APOOL: variants seen among roughly 807,000 people sequenced by gnomAD.
APOOL encodes the protein apolipoprotein O like.
Under a neutral mutation model 23.1 loss-of-function variants are expected in APOOL, and 12 were observed. That is an observed-to-expected ratio of 0.52 (90% CI 0.33 to 0.84). APOOL has a LOEUF of 0.84. Among genes scored for constraint, APOOL ranks in the 40% least tolerant of loss-of-function variants. APOOL has a pLI of 0.02. For missense variants in APOOL, 212 were observed against 199.6 expected, an observed-to-expected ratio of 1.06 and a Z score of -0.37; for synonymous variants, 77 against 69.9, an observed-to-expected ratio of 1.10 and a Z score of -0.51.
intron 1 of APOOL, among the ~76,000 whole-genome samples, chrX:85,034,042 A>G (rs905401089): frequency 9.0e-5 from 10 of 111,084 alleles, no homozygotes; most frequent in African/African-American, 3.3e-4. Context: ...TGGTCACTGG[A>G]TGTTCCAGGA....
At chrX:85,054,239 T>C in intron 3 of APOOL, 105 bp from the exon 4 acceptor site, 1 of 702,701 alleles carries the variant, frequency 1.4e-6, no homozygotes, top group East Asian at 3.6e-5. Context: ...TTGGGCATAA[T>C]GTTAAGTCAA....
intron 1 of APOOL, among the ~76,000 whole-genome samples, chrX:85,035,273 G>A (rs1260203319): frequency 9.0e-6 from 1 of 111,379 alleles, no homozygotes; most frequent in Non-Finnish European, 1.9e-5. Flanking sequence ...TCAAGTGTCT[G>A]TTCAGATCTT....
intron 2 of APOOL, 142 bp downstream of exon 2, chrX:85,046,692 T>C: frequency 2.0e-6 from 1 of 490,748 alleles, no homozygotes; most frequent in Non-Finnish European, 3.4e-6. Context: ...GAAATAGTTA[T>C]GAAGTATCTC....
chrX:85,044,582 T>C (rs1228904303), intron 1 of APOOL, among the ~76,000 whole-genome samples: 2 of 111,131 alleles, frequency 1.8e-5, no homozygotes, highest in Non-Finnish European at 3.8e-5. Flanking sequence ...CTCCCGGCCC[T>C]AAGCTCATAT....
chrX:85,059,273 A>G (rs949914041), intron 5 of APOOL, among the ~76,000 whole-genome samples: 1 of 109,669 alleles, frequency 9.1e-6, no homozygotes, highest in Non-Finnish European at 1.9e-5. Flanking sequence ...AATCCAGTCT[A>G]TCGTTGTTGG....
rs1343528386 is a variant in APOOL, at chrX:85,088,150, A to T, written c.*472A>T. 2.0e-3 allele frequency: 11 copies of T among 5,374 alleles called. 2 individuals are homozygous for T. The highest frequency in any genetic ancestry group is 4.8e-3 in the African/African-American group (8 of 1,675). The allele number at this position is 5,374 out of a possible 1,213,427, so 0.4% of individuals were successfully genotyped here. ...CATACATATTTATACATATATGTATAAATACATACATATTTATACATATAT... is the reference window on the plus strand; with the variant it reads ...CATACATATTTATACATATATGTATTAATACATACATATTTATACATATAT... On this transcript the variant is annotated 3_prime_UTR_variant, in exon 9 of 9. Coordinates refer to ENST00000373173, the MANE Select transcript of APOOL (RefSeq NM_198450.6).
Position 85,088,092 on chromosome X carries a change from ACATATACATATTTATAC to A in APOOL, c.*415_*431del, listed in dbSNP as rs1569462318. On this transcript the variant is annotated 3_prime_UTR_variant, in exon 9 of 9. Transcript: ENST00000373173. ...AATACATATACATATATGTATAAAT[ACATATACATATTTATAC>A]ATATATGTATAAATACATACATATT... is the stretch of plus-strand genomic sequence containing the variant. 6 of 65,860 alleles carry A rather than the reference ACATATACATATTTATAC, an allele frequency of 9.1e-5. No homozygotes were observed. The highest frequency in any genetic ancestry group is 1.4e-4 in the Non-Finnish European group (5 of 35,020). The allele number at this position is 65,860 out of a possible 1,213,427, so 5.4% of individuals were successfully genotyped here. A position where few individuals can be genotyped will look rare whatever the true frequency, so the allele number is the denominator to read the frequency against.
chrX:85,010,050 G>T (rs767477236), intron 1 of APOOL, among the ~76,000 whole-genome samples: 10 of 111,094 alleles, frequency 9.0e-5, no homozygotes, highest in Non-Finnish European at 1.9e-4. Context: ...ATCTGTTATT[G>T]GTGAACATTT....
chrX:85,059,977 C>T (rs1315758656), intron 5 of APOOL, among the ~76,000 whole-genome samples: 5 of 109,355 alleles, frequency 4.6e-5, no homozygotes, highest in African/African-American at 1.7e-4. Context: ...AATGGTATTG[C>T]CTAGGTTTTC....
In APOOL at chrX:85,058,470, A is replaced by G. The variant is rs1169129774; in HGVS notation, c.394+2545A>G. On this transcript the variant is annotated intron_variant, in intron 5 of 8. Coordinates refer to ENST00000373173, the MANE Select transcript of APOOL (RefSeq NM_198450.6). ...GTACCACATTTTCTTTATCCAGTCT[A>G]TCATTGATGGACATTTGGGTTGATT... Among the ~76,000 whole-genome samples the G allele has an allele frequency of 2.5e-4, 28 of 111,561 alleles. No homozygotes were observed. The Admixed American group carries it at 2.7e-3, about 11-fold the overall frequency.
chrX:85,085,747 A>G lies in APOOL; in HGVS notation c.719-1843A>G, dbSNP rs559915590. ...TAGTATTATGTCACAAAGTAAATAT[A>G]AAATAGTTGTCTCTTGCCTACTTAC... On this transcript the variant is annotated intron_variant, in intron 8 of 8. Coordinates refer to ENST00000373173, the MANE Select transcript of APOOL (RefSeq NM_198450.6). 7.2e-4 allele frequency among the ~76,000 whole-genome samples: 81 copies of G among 112,510 alleles called. 1 individual carries two copies. Among genetic ancestry groups the G allele is most frequent in the South Asian group, 3.3e-3 (9 of 2,716 alleles).
intron 5 of APOOL, among the ~76,000 whole-genome samples, chrX:85,060,941 G>T (rs949518107): frequency 4.5e-5 from 5 of 111,130 alleles, no homozygotes; most frequent in Non-Finnish European, 5.6e-5. Flanking sequence ...GTGAGAGGGG[G>T]CTTCCCTGTC....
At chrX:85,083,818 A>G (rs1415627163) in intron 8 of APOOL, among the ~76,000 whole-genome samples, 1 of 111,885 alleles carries the variant, frequency 8.9e-6, no homozygotes, top group Non-Finnish European at 1.9e-5. Context: ...ATATTATCAG[A>G]TATCACATAA....
intron 1 of APOOL, among the ~76,000 whole-genome samples, chrX:85,027,839 G>T (rs1921894850): frequency 8.9e-6 from 1 of 111,846 alleles, no homozygotes; most frequent in African/African-American, 3.2e-5. Context: ...ATTTTTACTA[G>T]TTTGATAGGT....
chrX:85,029,689 C>G (rs1484490696), intron 1 of APOOL, among the ~76,000 whole-genome samples: 8 of 110,731 alleles, frequency 7.2e-5, no homozygotes, highest in Non-Finnish European at 1.9e-5. Context: ...ACAAATAATC[C>G]CATCAAAAAG....
chrX:85,025,018 G>A (rs1230449053), intron 1 of APOOL, among the ~76,000 whole-genome samples: 4 of 112,144 alleles, frequency 3.6e-5, no homozygotes, highest in Non-Finnish European at 7.5e-5. Context: ...ATAAGCAAAA[G>A]AGGTTTAATT....
intron 1 of APOOL, among the ~76,000 whole-genome samples, chrX:85,006,381 A>G (rs1211178678): frequency 9.0e-6 from 1 of 111,167 alleles, no homozygotes; most frequent in Non-Finnish European, 1.9e-5. Context: ...AGGTCATACA[A>G]CCACTAAGTG....
intron 1 of APOOL, among the ~76,000 whole-genome samples, chrX:85,016,765 A>G (rs778043614): frequency 1.8e-5 from 2 of 111,861 alleles, no homozygotes; most frequent in African/African-American, 6.5e-5. Context: ...CAGCATTGCA[A>G]TTGTGTCTCT....
chrX:85,080,089 T>G (rs1417522406), intron 8 of APOOL, among the ~76,000 whole-genome samples: 1 of 111,755 alleles, frequency 8.9e-6, no homozygotes, highest in African/African-American at 3.3e-5. Context: ...TCTCTATCTT[T>G]TTCAGTTTTG....
Sources: allele counts gnomAD v4.1 joint callset (sites outside exome capture counted in the v4.1 genomes callset), GRCh38; gene constraint gnomAD v4.1.1; transcripts MANE v1.5; gene names NCBI Gene and HGNC (gene_info 2026-07-23, HGNC 2026-07-21).